Variants in HS3ST4 observed in about 807,000 individuals in gnomAD.
The protein encoded by HS3ST4 is heparan sulfate glucosamine 3-O-sulfotransferase 4.
Under a neutral mutation model 29.2 loss-of-function variants are expected in HS3ST4, and 17 were observed. The observed-to-expected ratio is 0.58, with a 90% confidence interval of 0.40 to 0.87. HS3ST4 has a LOEUF of 0.87. Among genes scored for constraint, HS3ST4 ranks in the 40% least tolerant of loss-of-function variants. The pLI, the probability that HS3ST4 is intolerant of heterozygous loss-of-function variation, is 0.00. For synonymous variants in HS3ST4, 314 were observed against 285.7 expected, an observed-to-expected ratio of 1.10 and a Z score of -1.00; for missense variants, 627 against 634.5, an observed-to-expected ratio of 0.99 and a Z score of 0.13.
chr16:25,798,767 G>C (rs569322206), intron 1 of HS3ST4, among the ~76,000 whole-genome samples: 1 of 152,114 alleles, frequency 6.6e-6, no homozygotes, highest in Non-Finnish European at 1.5e-5. Context: ...GGGGCTTCAC[G>C]GCACCCTCAT....
At chr16:25,731,772 A>G (rs1271548456) in intron 1 of HS3ST4, among the ~76,000 whole-genome samples, 1 of 152,222 alleles carries the variant, frequency 6.6e-6, no homozygotes, top group Non-Finnish European at 1.5e-5. Flanking sequence ...TAAACCCTTT[A>G]TAACACACTG....
chr16:25,911,241 C>A (rs568099495), intron 1 of HS3ST4, among the ~76,000 whole-genome samples: 1 of 152,222 alleles, frequency 6.6e-6, no homozygotes, highest in South Asian at 2.1e-4. Context: ...TAAGCTGTCA[C>A]AAAAGTGGGC....
At chr16:25,725,367 G>A (rs779577214) in intron 1 of HS3ST4, among the ~76,000 whole-genome samples, 5 of 152,006 alleles carry the variant, frequency 3.3e-5, no homozygotes, top group Non-Finnish European at 7.4e-5. Context: ...GGTTTTTAAC[G>A]TAAACATTGT....
At chr16:26,009,532 G>A (rs116835086) in intron 1 of HS3ST4, among the ~76,000 whole-genome samples, 2 of 152,178 alleles carry the variant, frequency 1.3e-5, no homozygotes, top group Non-Finnish European at 2.9e-5. Flanking sequence ...ACAGTAAAGA[G>A]GCACTGCCTA....
At position 25,692,305 on chromosome 16, in the gene HS3ST4, A is replaced by AGCGGCGGCGGCGGCGGCG. The variant is rs533546276; in HGVS notation, c.-96_-79dup. ...CTTCATGCAGCCGGGGCGGCTGGGC[A>AGCGGCGGCGGCGGCGGCG]GCGGCGGCGGCGGCGGCGGCGGCGG... On this transcript the variant is annotated 5_prime_UTR_variant, in exon 1 of 2. Transcript: ENST00000331351. 7.0e-6 allele frequency: 1 copy of AGCGGCGGCGGCGGCGGCG among 142,600 alleles called. No homozygotes were observed. The highest frequency in any genetic ancestry group is 1.4e-5 in the Non-Finnish European group (1 of 70,454). 8.8% of individuals were successfully genotyped at this position (142,600 alleles called of 1,614,324 possible). A position where few individuals can be genotyped will look rare whatever the true frequency, so the allele number is the denominator to read the frequency against.
chr16:25,702,530 C>T (rs544821719), intron 1 of HS3ST4, among the ~76,000 whole-genome samples: 1 of 152,236 alleles, frequency 6.6e-6, no homozygotes, highest in East Asian at 1.9e-4. Context: ...TCTTTCTTTT[C>T]CTTCCTTCCT....
chr16:25,844,717 A>G (rs1323782952), intron 1 of HS3ST4, among the ~76,000 whole-genome samples: 2 of 152,256 alleles, frequency 1.3e-5, no homozygotes, highest in Non-Finnish European at 2.9e-5. Context: ...CATCCAAAGG[A>G]ATATAAATCA....
At chr16:25,825,596 A>AT (rs1004058345) in intron 1 of HS3ST4, 4 of 152,228 alleles carry the variant, frequency 2.6e-5, no homozygotes, top group Admixed American at 2.0e-4. Flanking sequence ...ATTGGTATTC[A>AT]TAATATTCCA....
chr16:25,692,631 G>A lies in HS3ST4; in HGVS notation c.214G>A (p.Ala72Thr). The change falls in exon 1 of 2, where the codon GCC (alanine) becomes ACC (threonine). Residue 72 changes from alanine to threonine, a missense_variant. Around this residue, in one of 2 missense-constraint regions of HS3ST4, gnomAD observed 402 missense variants for 340.8 expected, o/e 1.18. Transcript: ENST00000331351. ...GGCGCTGCAGGAGTCGCCGGGCGCC[G>A]CCGCCGAGCCCCCGCCGAGCCCGCC... ...PLALQESPGA[A>T]AEPPPSPPPP... 1.5e-6 allele frequency: 2 copies of A among 1,363,348 alleles called. No individual in the cohort carries two copies. The highest frequency in any genetic ancestry group is 9.5e-7 in the Non-Finnish European group (1 of 1,048,484). 84.5% of individuals were successfully genotyped at this position (1,363,348 alleles called of 1,614,324 possible).
chr16:25,950,509 A>G (rs1051236775), intron 1 of HS3ST4, among the ~76,000 whole-genome samples: 17 of 152,126 alleles, frequency 1.1e-4, no homozygotes, highest in Admixed American at 1.3e-4. Flanking sequence ...GAATAAATGA[A>G]TGAATGAATG....
At chr16:25,998,663 C>T (rs565191623) in intron 1 of HS3ST4, among the ~76,000 whole-genome samples, 19 of 152,216 alleles carry the variant, frequency 1.2e-4, no homozygotes, top group Middle Eastern at 3.4e-3. Flanking sequence ...ACTTCTAAGA[C>T]TTGCCAAAAA....
chr16:25,831,495 G>A (rs1299945416), intron 1 of HS3ST4, among the ~76,000 whole-genome samples: 2 of 151,636 alleles, frequency 1.3e-5, no homozygotes, highest in Non-Finnish European at 2.9e-5. Context: ...GGAGACTGAG[G>A]TGGGAGGATT....
At chr16:25,989,649 G>GTTTGCAAATCAAGCAAAGTTA (rs1969097556) in intron 1 of HS3ST4, among the ~76,000 whole-genome samples, 1 of 152,190 alleles carries the variant, frequency 6.6e-6, no homozygotes. Context: ...GGTCCCGTAT[G>GTTTGCAAATCAAGCAAAGTTA]AGGCCTAACT....
At chr16:26,004,723 G>C (rs1969242009) in intron 1 of HS3ST4, among the ~76,000 whole-genome samples, 1 of 152,120 alleles carries the variant, frequency 6.6e-6, no homozygotes, top group Non-Finnish European at 1.5e-5. Context: ...AATCATTTTG[G>C]TTAAATATGA....
intron 1 of HS3ST4, among the ~76,000 whole-genome samples, chr16:26,005,666 T>C (rs1472282936): frequency 2.0e-5 from 3 of 151,260 alleles, no homozygotes; most frequent in African/African-American, 7.3e-5. Context: ...ATAAACACCA[T>C]CATGGTGTCC....
At chr16:26,075,653 G>A (rs989152104) in intron 1 of HS3ST4, among the ~76,000 whole-genome samples, 1 of 152,138 alleles carries the variant, frequency 6.6e-6, no homozygotes, top group African/African-American at 2.4e-5. Context: ...ATTATACCAT[G>A]AGCCTTACAT....
At chr16:25,743,341 A>C (rs1042988039) in intron 1 of HS3ST4, among the ~76,000 whole-genome samples, 10 of 152,234 alleles carry the variant, frequency 6.6e-5, no homozygotes, top group Admixed American at 6.5e-4. Context: ...CCTGTGAATG[A>C]AATGAATTAA....
Position 25,692,501 on chromosome 16 carries a change from G to T in HS3ST4, c.84G>T (p.Lys28Asn). Residue 28 changes from lysine (K) to asparagine (N), a missense_variant, in exon 1 of 2, where the codon AAG becomes AAT. By Grantham distance (94) the Lys-to-Asn change is moderately conservative. Coordinates refer to ENST00000331351, the MANE Select transcript of HS3ST4 (RefSeq NM_006040.3). ...CGCCGCCGCCCGGCGCCTCTGCTAAGGGGCCGCCGGCGCGCAAGCTGCTTT... is the reference window on the plus strand; with the variant it reads ...CGCCGCCGCCCGGCGCCTCTGCTAATGGGCCGCCGGCGCGCAAGCTGCTTT... ...AAPPPPGASA[K>N]GPPARKLLFM... 7.1e-7 allele frequency: 1 copy of T among 1,403,258 alleles called. No homozygotes were observed. Among genetic ancestry groups the T allele is most frequent in the Non-Finnish European group, 9.4e-7 (1 of 1,064,962 alleles). The allele number at this position is 1,403,258 out of a possible 1,614,324, so 86.9% of individuals were successfully genotyped here. A position where few individuals can be genotyped will look rare whatever the true frequency, so the allele number is the denominator to read the frequency against.
At chr16:26,135,470 A>G in intron 1 of HS3ST4, 142 bp from the exon 2 acceptor site, 1 of 778,062 alleles carries the variant, frequency 1.3e-6, no homozygotes, top group Non-Finnish European at 2.0e-6. Flanking sequence ...CAGGAGATAT[A>G]GGTAAGAAGA....
Sources: allele counts gnomAD v4.1 joint callset (sites outside exome capture counted in the v4.1 genomes callset), GRCh38; gene constraint gnomAD v4.1.1; regional missense constraint gnomAD v4.1.1; transcripts MANE v1.5; gene names NCBI Gene and HGNC (gene_info 2026-07-23, HGNC 2026-07-21).